SERPIND1: variants seen among roughly 807,000 people sequenced by gnomAD.
SERPIND1 encodes the protein heparin cofactor 2.
In SERPIND1, 34 loss-of-function variants were observed where a neutral mutation model predicts 35.0. The observed-to-expected ratio is 0.97, with a 90% CI of 0.74 to 1.29. The LOEUF (loss-of-function observed/expected upper bound fraction) is 1.29, where lower values mean the gene tolerates loss of function less well. Ranked by LOEUF, SERPIND1 falls within the 50% of genes most tolerant of loss-of-function variation. SERPIND1 has a pLI of 0.00. For synonymous variants in SERPIND1, 236 were observed against 241.1 expected (o/e 0.98, Z 0.19); for missense variants, 633 against 637.7 (o/e 0.99, Z 0.08).
At chr22:20,775,436 T>C (rs1277960644) in intron 1 of SERPIND1, among the ~76,000 whole-genome samples, 5 of 152,242 alleles carry the variant, frequency 3.3e-5, no homozygotes, top group Non-Finnish European at 7.3e-5. Flanking sequence ...AAACTATTTT[T>C]GGCTTTTTAT....
At chr22:20,779,274 C>A (rs147431264) in intron 1 of SERPIND1, 23 bp from the exon 2 acceptor site, 1 of 1,613,384 alleles carries the variant, frequency 6.2e-7, no homozygotes, top group Admixed American at 1.7e-5. Flanking sequence ...CCGCCTTTCA[C>A]TGTGTTCTGT....
chr22:20,786,839 G>C, intron 4 of SERPIND1, 36 bp from the exon 5 acceptor site: 1 of 1,606,688 alleles, frequency 6.2e-7, no homozygotes, highest in Non-Finnish European at 8.5e-7. Context: ...TCTGTGTGCT[G>C]ACCTCCAGAA....
At chr22:20,786,612 G>A (rs1053727789) in intron 4 of SERPIND1, among the ~76,000 whole-genome samples, 1 of 152,180 alleles carries the variant, frequency 6.6e-6, no homozygotes, top group Non-Finnish European at 1.5e-5. Flanking sequence ...AGCTGGAGCT[G>A]GGGTGGCTGT....
intron 1 of SERPIND1, among the ~76,000 whole-genome samples, chr22:20,774,622 GTGGTGGCACGCGCC>G (rs1285143460): frequency 6.6e-6 from 1 of 152,046 alleles, no homozygotes; most frequent in Non-Finnish European, 1.5e-5. Flanking sequence ...TTAGCTGGGC[GTGGTGGCACGCGCC>G]TGTAATCCCA....
rs779787852 is a variant in SERPIND1 at position 20,779,900 on chromosome 22, G to A, written c.588G>A (p.Thr196=). The change falls in exon 2 of 5, where the codon ACG becomes ACA. Residue 196 remains threonine, a synonymous_variant. Coordinates refer to ENST00000215727, the MANE Select transcript of SERPIND1 (RefSeq NM_000185.4). Reference sequence around the variant, plus strand: ...ATGCCAGCAGCAAGTATGAAATCACGACCATTCATAATCTCTTCCGTAAGC... The same window carrying A: ...ATGCCAGCAGCAAGTATGAAATCACAACCATTCATAATCTCTTCCGTAAGC... The part of the protein sequence containing the change: ...FVNASSKYEI[T]TIHNLFRKLT... 83 of 1,614,026 alleles carry A rather than the reference G, an allele frequency of 5.1e-5. No individual in the cohort carries two copies. The highest frequency in any genetic ancestry group is 6.7e-5 in the Admixed American group (4 of 59,988).
At position 20,780,775 on chromosome 22, in the gene SERPIND1, C is replaced by CA. The variant is rs538327544; in HGVS notation, c.889+590dup. Among the ~76,000 whole-genome samples the CA allele has an allele frequency of 4.4e-3, 298 of 67,642 alleles. 17 individuals are homozygous for CA. Among genetic ancestry groups the CA allele is most frequent in the Admixed American group, 0.012 (65 of 5,290 alleles). 44.4% of individuals were successfully genotyped at this position (67,642 alleles called of 152,430 possible). A position where few individuals can be genotyped will look rare whatever the true frequency, so the allele number is the denominator to read the frequency against. ...TGGACGACAGAGTGAGACTCCATCT[C>CA]AAAAAAAAAAAAAAAAGAAGTAAAA... On this transcript the variant is annotated intron_variant, in intron 2 of 4. Coordinates refer to ENST00000215727, the MANE Select transcript of SERPIND1 (RefSeq NM_000185.4).
In SERPIND1 at chr22:20,787,545, G is replaced by T; in HGVS notation, c.*479G>T. The T allele has an allele frequency of 4.6e-6, 1 of 217,508 alleles. No individual in the cohort carries two copies. The highest frequency in any genetic ancestry group is 9.3e-6 in the Non-Finnish European group (1 of 107,310). The allele number at this position is 217,508 out of a possible 1,614,324, so 13.5% of individuals were successfully genotyped here. A position where few individuals can be genotyped will look rare whatever the true frequency, so the allele number is the denominator to read the frequency against. ...ATGTCCAGGGAAGAAGCCACCTCAA[G>T]ACATATGAGGGGTGCCCTGGGCTAA... On this transcript the variant is annotated 3_prime_UTR_variant, in exon 5 of 5. Coordinates refer to ENST00000215727, the MANE Select transcript of SERPIND1 (RefSeq NM_000185.4).
intron 2 of SERPIND1, among the ~76,000 whole-genome samples, chr22:20,781,532 C>T (rs1201380508): frequency 2.0e-5 from 3 of 152,246 alleles, no homozygotes; most frequent in Non-Finnish European, 4.4e-5. Context: ...CCTGATCTGT[C>T]CACACACCTG....
chr22:20,776,731 C>T (rs1933315847), intron 1 of SERPIND1, among the ~76,000 whole-genome samples: 1 of 151,932 alleles, frequency 6.6e-6, no homozygotes, highest in Non-Finnish European at 1.5e-5. Context: ...GTGACAGTGA[C>T]GAAAGGCTCA....
chr22:20,774,772 AAAAG>A (rs1482733701), intron 1 of SERPIND1, among the ~76,000 whole-genome samples: 2 of 151,918 alleles, frequency 1.3e-5, no homozygotes, highest in African/African-American at 4.8e-5. Context: ...AAAAAAAAAA[AAAAG>A]AAGAAAAAAG....
At chr22:20,776,872 G>T (rs934473989) in intron 1 of SERPIND1, among the ~76,000 whole-genome samples, 1 of 151,906 alleles carries the variant, frequency 6.6e-6, no homozygotes, top group South Asian at 2.1e-4. Context: ...CAGAGTATCC[G>T]AACAGTTACC....
chr22:20,784,124 G>A lies in SERPIND1; in HGVS notation c.1042G>A (p.Glu348Lys), dbSNP rs1201336027. Residue 348 changes from glutamate (E) to lysine (K), a missense_variant, in exon 3 of 5, where the codon GAA becomes AAA. By Grantham distance (56) the Glu-to-Lys change is moderately conservative. Transcript: ENST00000215727. The stretch of plus-strand genomic sequence containing the variant: ...GCTGGACTGCGACATCCTCCAGCTG[G>A]AATACGTGGGGGGCATCAGCATGCT... ...QELDCDILQL[E>K]YVGGISMLIV... 1.9e-6 allele frequency: 3 copies of A among 1,614,148 alleles called. No homozygotes were observed. The highest frequency in any genetic ancestry group is 2.5e-6 in the Non-Finnish European group (3 of 1,180,016).
chr22:20,775,894 CCTGA>C (rs903125242), intron 1 of SERPIND1, among the ~76,000 whole-genome samples: 2 of 152,106 alleles, frequency 1.3e-5, no homozygotes, highest in Non-Finnish European at 2.9e-5. Flanking sequence ...TTTCTTTGTT[CCTGA>C]CTTTTAAAAG....
chr22:20,783,915 G>T, intron 2 of SERPIND1, 57 bp from the exon 3 acceptor site: 1 of 1,610,028 alleles, frequency 6.2e-7, no homozygotes, highest in Non-Finnish European at 8.5e-7. Flanking sequence ...TCTCAAGGGT[G>T]AGACGATTTC....
intron 2 of SERPIND1, among the ~76,000 whole-genome samples, chr22:20,783,489 TG>T (rs1933961664): frequency 1.3e-5 from 2 of 150,736 alleles, no homozygotes; most frequent in South Asian, 4.2e-4. Flanking sequence ...GGCATGTGCT[TG>T]TAGTCCAAGC....
At chr22:20,776,476 A>G (rs182386582) in intron 1 of SERPIND1, among the ~76,000 whole-genome samples, 10 of 152,378 alleles carry the variant, frequency 6.6e-5, no homozygotes, top group African/African-American at 2.4e-4. Flanking sequence ...CTGCTCCAAA[A>G]TGTGCAATTC....
intron 2 of SERPIND1, 76 bp from the exon 3 acceptor site, chr22:20,783,896 C>A: frequency 6.2e-7 from 1 of 1,601,148 alleles, no homozygotes; most frequent in Non-Finnish European, 8.6e-7. Context: ...CCAGGGAAAT[C>A]AGATTCACTC....
intron 2 of SERPIND1, among the ~76,000 whole-genome samples, 159 bp downstream of exon 2, chr22:20,780,360 GTGACAGTAGCATC>G (rs1451699837): frequency 2.0e-5 from 3 of 152,210 alleles, no homozygotes; most frequent in Admixed American, 6.5e-5. Flanking sequence ...CCAAGCTGAA[GTGACAGTAGCATC>G]TGACACTTAC....
In SERPIND1 at chr22:20,787,106, C is replaced by T; in HGVS notation, c.*40C>T. 6.4e-7 allele frequency: 1 copy of T among 1,554,328 alleles called. No homozygotes were observed. The highest frequency in any genetic ancestry group is 8.9e-7 in the Non-Finnish European group (1 of 1,126,316). ...GTGTCTGAAGTGCCTTGGGGGCACC[C>T]TCATTTTGTTTCCATTCCAACAACG... On this transcript the variant is annotated 3_prime_UTR_variant, in exon 5 of 5. Transcript: ENST00000215727.
Sources: gnomAD v4.1 joint callset for allele counts (sites outside exome capture counted in the v4.1 genomes callset) on GRCh38, gnomAD v4.1.1 for gene constraint, MANE v1.5 for transcripts, NCBI Gene and HGNC (gene_info 2026-07-23, HGNC 2026-07-21) for gene names.